EXOC4: variants seen among roughly 807,000 people sequenced by gnomAD.
EXOC4 encodes the protein SEC8-like 1.
In EXOC4, 71 loss-of-function variants were observed where a neutral mutation model predicts 107.2. The observed-to-expected ratio is 0.66, with a 90% CI of 0.55 to 0.81. The LOEUF is 0.81. EXOC4 is among the 30% of genes least tolerant of loss of function. The pLI is 0.00. For synonymous variants in EXOC4, 456 were observed against 441.2 expected (o/e 1.03, Z -0.42); for missense variants, 1,108 against 1,189.6 (o/e 0.93, Z 1.01).
At chr7:133,461,970 C>T (rs1302221489) in intron 7 of EXOC4, among the ~76,000 whole-genome samples, 4 of 152,018 alleles carry the variant, frequency 2.6e-5, no homozygotes, top group African/African-American at 7.2e-5. Context: ...AGTTGACAGT[C>T]GAGATAGATG....
intron 7 of EXOC4, among the ~76,000 whole-genome samples, chr7:133,379,708 A>T: frequency 6.6e-6 from 1 of 152,018 alleles, no homozygotes; most frequent in East Asian, 1.9e-4. Flanking sequence ...AACAATTATT[A>T]AATCTGTTAG....
At chr7:133,311,482 G>A (rs532825420) in intron 4 of EXOC4, among the ~76,000 whole-genome samples, 12 of 152,202 alleles carry the variant, frequency 7.9e-5, no homozygotes, top group African/African-American at 2.9e-4. Flanking sequence ...TCAGACAATT[G>A]ACTGTTGATT....
chr7:133,624,698 T>C (rs1301676474), intron 9 of EXOC4, among the ~76,000 whole-genome samples: 5 of 152,082 alleles, frequency 3.3e-5, no homozygotes, highest in Non-Finnish European at 5.9e-5. Context: ...GCTCAAGCAA[T>C]TCTCCTGCCT....
At chr7:133,919,575 C>T (rs1254814334) in intron 13 of EXOC4, among the ~76,000 whole-genome samples, 3 of 152,144 alleles carry the variant, frequency 2.0e-5, no homozygotes, top group Admixed American at 6.5e-5. Flanking sequence ...AACCACTGAT[C>T]TTTTTATTGT....
intron 17 of EXOC4, among the ~76,000 whole-genome samples, chr7:134,027,972 C>G (rs1327702568): frequency 6.6e-6 from 1 of 152,206 alleles, no homozygotes; most frequent in East Asian, 1.9e-4. Context: ...CCTCCTGGAG[C>G]TCTCAACACC....
chr7:133,656,069 T>C (rs2160748), intron 10 of EXOC4, among the ~76,000 whole-genome samples: 149,861 of 152,202 alleles, frequency 0.98, 73,829 homozygotes, highest in East Asian at 1. Context: ...GGAATCGTAT[T>C]GGACCACCAT....
intron 10 of EXOC4, among the ~76,000 whole-genome samples, chr7:133,687,185 C>A (rs934334295): frequency 6.6e-6 from 1 of 151,726 alleles, no homozygotes; most frequent in Non-Finnish European, 1.5e-5. Context: ...AGTTCTTACT[C>A]AAAAATGGGA....
chr7:133,817,605 CAT>C lies in EXOC4; in HGVS notation c.1734+63_1734+64del, dbSNP rs144969447. ...CAATTTTCATTGACTTGGCAAGTGT[CAT>C]AAATTTAAAAAAGAAGAATTACCAT... On this transcript the variant is annotated intron_variant, in intron 11 of 17. Coordinates refer to ENST00000253861, the MANE Select transcript of EXOC4 (RefSeq NM_021807.4). 5.0e-3 allele frequency: 6,251 copies of C among 1,254,044 alleles called. 261 individuals carry two copies. In the African/African-American group the frequency reaches 0.083, roughly 17 times the overall value. 77.7% of individuals were successfully genotyped at this position (1,254,044 alleles called of 1,614,324 possible).
intron 9 of EXOC4, among the ~76,000 whole-genome samples, chr7:133,537,303 C>T (rs535753183): frequency 2.7e-5 from 4 of 147,622 alleles, no homozygotes; most frequent in African/African-American, 5.2e-5. Context: ...GGCACCCCCC[C>T]CCCCACCACA....
At chr7:133,444,856 G>A (rs1011174809) in intron 7 of EXOC4, among the ~76,000 whole-genome samples, 2 of 152,180 alleles carry the variant, frequency 1.3e-5, no homozygotes, top group African/African-American at 4.8e-5. Flanking sequence ...AGATTGCAGG[G>A]CCTTACCAGA....
At chr7:133,284,571 G>A (rs768405983) in intron 2 of EXOC4, among the ~76,000 whole-genome samples, 18 of 151,904 alleles carry the variant, frequency 1.2e-4, no homozygotes, top group Non-Finnish European at 2.2e-4. Flanking sequence ...TCGCTCTGTC[G>A]CCCAGGCTGG....
intron 1 of EXOC4, among the ~76,000 whole-genome samples, chr7:133,266,734 ACAAGAAATGGCCATGTAAGATT>A (rs1468428782): frequency 6.6e-6 from 1 of 152,244 alleles, no homozygotes; most frequent in African/African-American, 2.4e-5. Flanking sequence ...GAAGGAACTT[ACAAGAAATGGCCATGTAAGATT>A]TGTGACTTTG....
At chr7:133,558,468 T>C (rs1185420403) in intron 9 of EXOC4, among the ~76,000 whole-genome samples, 2 of 152,088 alleles carry the variant, frequency 1.3e-5, no homozygotes, top group Non-Finnish European at 2.9e-5. Flanking sequence ...AATAATAGTT[T>C]AAGTTGATGA....
At chr7:133,489,217 T>A (rs932293422) in intron 9 of EXOC4, among the ~76,000 whole-genome samples, 1 of 151,994 alleles carries the variant, frequency 6.6e-6, no homozygotes, top group Non-Finnish European at 1.5e-5. Flanking sequence ...AGAGAGGATC[T>A]CGTGGGGATT....
At chr7:134,083,328 T>G in the EXOC4 span, among the ~76,000 whole-genome samples, 34 of 152,302 alleles carry the variant, frequency 2.2e-4, no homozygotes, top group African/African-American at 7.5e-4. Flanking sequence ...TCTAGTCCCT[T>G]GCTCATGTCT....
chr7:133,553,260 C>T (rs1177762223), intron 9 of EXOC4, among the ~76,000 whole-genome samples: 1 of 152,132 alleles, frequency 6.6e-6, no homozygotes, highest in Non-Finnish European at 1.5e-5. Flanking sequence ...TTATTTTATT[C>T]TGACTGCCCC....
At chr7:133,727,823 C>T (rs1294809414) in intron 10 of EXOC4, 1 of 152,136 alleles carries the variant, frequency 6.6e-6, no homozygotes, top group Admixed American at 6.5e-5. Flanking sequence ...CAAGATTACT[C>T]CCATTTTTAT....
chr7:134,073,841 G>T, the EXOC4 span, among the ~76,000 whole-genome samples: 1 of 152,196 alleles, frequency 6.6e-6, no homozygotes, highest in South Asian at 2.1e-4. Context: ...CAGGTCAGGA[G>T]AGCGGGGTGA....
intron 10 of EXOC4, among the ~76,000 whole-genome samples, chr7:133,660,946 A>G (rs1012046626): frequency 1.3e-5 from 2 of 152,180 alleles, no homozygotes; most frequent in Non-Finnish European, 2.9e-5. Context: ...TTGATATTTT[A>G]AAAAACCCCA....
Sources: allele counts gnomAD v4.1 joint callset (sites outside exome capture counted in the v4.1 genomes callset), GRCh38; gene constraint gnomAD v4.1.1; transcripts MANE v1.5; gene names NCBI Gene and HGNC (gene_info 2026-07-23, HGNC 2026-07-21).